The following DYNC2LI1 variants were observed in gnomAD, a reference collection of about 807,000 sequenced individuals.
DYNC2LI1 encodes the protein dynein cytoplasmic 2 light intermediate chain 1, also known as cytoplasmic dynein 2 light intermediate chain 1.
In DYNC2LI1, 45 loss-of-function variants were observed where a neutral mutation model predicts 51.9. That is an observed-to-expected ratio of 0.87 (90% CI 0.68 to 1.11). DYNC2LI1 has a LOEUF of 1.11. Among genes scored for constraint, DYNC2LI1 ranks in the 50% most tolerant of loss-of-function variants. DYNC2LI1 has a pLI of 0.00. For synonymous variants in DYNC2LI1, 130 were observed against 137.8 expected (o/e 0.94, Z 0.40); for missense variants, 490 against 417.4 (o/e 1.17, Z -1.51).
At chr2:43,820,733 A>G in the DYNC2LI1 span, among the ~76,000 whole-genome samples, 2 of 152,140 alleles carry the variant, frequency 1.3e-5, no homozygotes, top group Non-Finnish European at 2.9e-5. Flanking sequence ...GGCTCATTGC[A>G]ACCTCTGCTT....
Position 43,796,001 on chromosome 2 carries a change from G to A in DYNC2LI1, c.576+43G>A, listed in dbSNP as rs916707806. 16 of 1,404,154 alleles carry A rather than the reference G, an allele frequency of 1.1e-5. No homozygotes were observed. In the Middle Eastern group the frequency reaches 1.8e-3, roughly 157 times the overall value. 87.0% of individuals were successfully genotyped at this position (1,404,154 alleles called of 1,614,324 possible). Reference sequence around the variant, plus strand: ...TAGCTGAGTTTGTTGTACATATATGGCTGTGCTTTTTATGAGGGAGGTACA... The same window carrying A: ...TAGCTGAGTTTGTTGTACATATATGACTGTGCTTTTTATGAGGGAGGTACA... On this transcript the variant is annotated intron_variant, in intron 7 of 12. Transcript: ENST00000260605.
intron 5 of DYNC2LI1, 155 bp from the exon 6 acceptor site, chr2:43,794,300 CTT>C (rs1413130924): frequency 1.0e-5 from 7 of 687,022 alleles, no homozygotes; most frequent in Non-Finnish European, 1.6e-5. Flanking sequence ...AAGGCTATGA[CTT>C]TGGTTTTTTG....
chr2:43,790,498 C>T lies in DYNC2LI1; in HGVS notation c.320+777C>T, dbSNP rs1572705565. ...TTGAATTATTTCTTGTTAATGGGAC[C>T]GTTGTTTTTCTAGAACTGGCTGGAT... is the stretch of plus-strand genomic sequence containing the variant. On this transcript the variant is annotated intron_variant, in intron 5 of 12. Coordinates refer to ENST00000260605, the MANE Select transcript of DYNC2LI1 (RefSeq NM_016008.4). Among the ~76,000 whole-genome samples, 3 of 151,076 alleles carry T rather than the reference C, an allele frequency of 2.0e-5. No individual in the cohort carries two copies. The East Asian group carries it at 5.8e-4, about 29-fold the overall frequency.
intron 3 of DYNC2LI1, 140 bp from the exon 4 acceptor site, chr2:43,787,041 A>AT (rs1673556247): frequency 3.5e-6 from 2 of 579,556 alleles, no homozygotes; most frequent in Non-Finnish European, 6.0e-6. Flanking sequence ...TGTGAATATA[A>AT]TTTATTTCAA....
At chr2:43,810,651 T>C (rs1558707621), downstream of DYNC2LI1, 1 of 380,014 alleles carries the variant, frequency 2.6e-6, no homozygotes, top group Non-Finnish European at 3.6e-6. Context: ...TCTGAGCAGA[T>C]AGCAAGCCAT....
intron 1 of DYNC2LI1, chr2:43,775,638 C>T (rs1428719295): frequency 1.5e-5 from 5 of 338,776 alleles, no homozygotes; most frequent in South Asian, 4.7e-5. Context: ...GCTGGGACCA[C>T]GAGTGCATGT....
chr2:43,785,657 C>A (rs774680479), intron 3 of DYNC2LI1, among the ~76,000 whole-genome samples: 19 of 151,904 alleles, frequency 1.3e-4, no homozygotes, highest in Non-Finnish European at 2.4e-4. Flanking sequence ...TCACTTGAAC[C>A]TGGGAGGCAG....
downstream of DYNC2LI1, chr2:43,814,551 CTG>C: frequency 6.2e-7 from 1 of 1,607,842 alleles, no homozygotes; most frequent in Non-Finnish European, 8.5e-7. Context: ...TGTAAAATAA[CTG>C]ATGATTTTAA....
At chr2:43,776,022 T>G (rs1673002827) in intron 1 of DYNC2LI1, among the ~76,000 whole-genome samples, 2 of 151,718 alleles carry the variant, frequency 1.3e-5, no homozygotes, top group Admixed American at 1.3e-4. Flanking sequence ...ATTTTTTTTG[T>G]TTGTTTTCTT....
chr2:43,792,622 C>G, intron 5 of DYNC2LI1: 2 of 1,489,472 alleles, frequency 1.3e-6, no homozygotes, highest in Non-Finnish European at 1.8e-6. Flanking sequence ...TTGATCTTCT[C>G]AAACTGAAAC....
chr2:43,776,626 G>A (rs998734626), intron 1 of DYNC2LI1, among the ~76,000 whole-genome samples, 156 bp from the exon 2 acceptor site: 2 of 152,156 alleles, frequency 1.3e-5, no homozygotes, highest in African/African-American at 4.8e-5. Context: ...ATCATAGAAT[G>A]ACTAATCCTC....
rs187856558 is a variant in DYNC2LI1, at chr2:43,792,060, T to C, written c.320+2339T>C. Among the ~76,000 whole-genome samples the C allele has an allele frequency of 8.1e-4, 124 of 152,206 alleles. 2 individuals are homozygous for C. The East Asian group carries it at 0.021, about 26-fold the overall frequency. ...TATCCATTTCATCACAATGAAAAAA[T>C]GTTAAATCATAGTTGAAACACAACC... On this transcript the variant is annotated intron_variant, in intron 5 of 12. Transcript: ENST00000260605.
the DYNC2LI1 span, chr2:43,826,589 G>C: frequency 6.2e-7 from 1 of 1,604,696 alleles, no homozygotes; most frequent in South Asian, 1.1e-5. Context: ...AAAACTCAGA[G>C]TTCTGAACTG....
chr2:43,774,452 C>G (rs1186169200), intron 1 of DYNC2LI1, among the ~76,000 whole-genome samples: 1 of 152,202 alleles, frequency 6.6e-6, no homozygotes, highest in Non-Finnish European at 1.5e-5. Flanking sequence ...CGGCGATGAG[C>G]TAGACCACAA....
intron 6 of DYNC2LI1, 195 bp downstream of exon 6, chr2:43,794,838 C>G (rs1673961990): frequency 6.9e-7 from 1 of 1,443,764 alleles, no homozygotes; most frequent in Non-Finnish European, 9.1e-7. Flanking sequence ...TTCCTTATAT[C>G]TTCTTGTTAG....
At chr2:43,781,091 G>T (rs1410177381) in intron 2 of DYNC2LI1, among the ~76,000 whole-genome samples, 1 of 152,104 alleles carries the variant, frequency 6.6e-6, no homozygotes, top group African/African-American at 2.4e-5. Context: ...TTAAGGCCAG[G>T]CGTGGTGGCT....
the DYNC2LI1 span, among the ~76,000 whole-genome samples, chr2:43,825,819 G>C: frequency 2.0e-5 from 3 of 152,168 alleles, no homozygotes; most frequent in African/African-American, 7.2e-5. Context: ...TCTGTAAGGT[G>C]AATACACTGA....
chr2:43,792,789 A>G, intron 5 of DYNC2LI1: 1 of 1,536,486 alleles, frequency 6.5e-7, no homozygotes, highest in Non-Finnish European at 8.7e-7. Context: ...CATTTAGCAT[A>G]ACGTCTTCAG....
chr2:43,795,567 G>A (rs1304575952), intron 6 of DYNC2LI1, among the ~76,000 whole-genome samples: 2 of 151,838 alleles, frequency 1.3e-5, no homozygotes, highest in African/African-American at 4.8e-5. Context: ...AATCTATGCT[G>A]GATAAATGCT....
Sources: allele counts gnomAD v4.1 joint callset (sites outside exome capture counted in the v4.1 genomes callset), GRCh38; gene constraint gnomAD v4.1.1; transcripts MANE v1.5; gene names NCBI Gene and HGNC (gene_info 2026-07-23, HGNC 2026-07-21).